ZNF138: variants seen among roughly 807,000 people sequenced by gnomAD.
The protein encoded by ZNF138 is zinc finger protein 138, also known as zinc finger protein 138 (clone pHZ-32).
A neutral mutation model predicts 33.0 loss-of-function variants in ZNF138; 33 were observed. That is an observed-to-expected ratio of 1.00 (90% CI 0.76 to 1.34). ZNF138 has a LOEUF of 1.34. Among genes scored for constraint, ZNF138 ranks in the 40% most tolerant of loss-of-function variants. The pLI is 0.00. For missense variants in ZNF138, 360 were observed against 370.8 expected (o/e 0.97, Z 0.24); for synonymous variants, 139 against 120.4 (o/e 1.15, Z -1.01).
chr7:64,805,936 A>C (rs1488288815), intron 1 of ZNF138, among the ~76,000 whole-genome samples: 1 of 152,248 alleles, frequency 6.6e-6, no homozygotes. Flanking sequence ...CTACTTGTGG[A>C]TTAATTATGG....
Sources: allele counts gnomAD v4.1 joint callset (sites outside exome capture counted in the v4.1 genomes callset), GRCh38; gene constraint gnomAD v4.1.1; transcripts MANE v1.5; gene names NCBI Gene and HGNC (gene_info 2026-07-23, HGNC 2026-07-21).